The following SMURF2 variants were observed in gnomAD, a reference collection of about 807,000 sequenced individuals.
SMURF2 encodes the protein E3 ubiquitin-protein ligase SMURF2.
Under a neutral mutation model 109.6 loss-of-function variants are expected in SMURF2, and 48 were observed. That is an observed-to-expected ratio of 0.44 (90% CI 0.35 to 0.56). The LOEUF (loss-of-function observed/expected upper bound fraction) is 0.56, where lower values mean the gene tolerates loss of function less well. SMURF2 is among the 20% of genes least tolerant of loss of function. SMURF2 has a pLI of 0.01. For missense variants in SMURF2, 575 were observed against 909.0 expected (o/e 0.63, Z 4.72); for synonymous variants, 288 against 317.1 (o/e 0.91, Z 0.97).
intron 1 of SMURF2, among the ~76,000 whole-genome samples, chr17:64,621,923 AT>A (rs1362495954): frequency 6.8e-6 from 1 of 146,078 alleles, no homozygotes; most frequent in Non-Finnish European, 1.5e-5. Flanking sequence ...AATAATAATA[AT>A]AAAAAGCACT....
rs113227699 is a variant in SMURF2 at position 64,577,854 on chromosome 17, C to T, written c.857+638G>A. Among the ~76,000 whole-genome samples the T allele has an allele frequency of 2.1e-3, 320 of 151,958 alleles. 1 individual carries two copies. The highest frequency in any genetic ancestry group is 7.4e-3 in the African/African-American group (305 of 41,444). On this transcript the variant is annotated intron_variant, in intron 9 of 18. Coordinates refer to ENST00000262435, the MANE Select transcript of SMURF2 (RefSeq NM_022739.4). The stretch of plus-strand genomic sequence containing the variant: ...AAGTGATCCTCATGCCTCAGCCTCC[C>T]AAAGTGTTGGGAATACAGGTAAGAG...
chr17:64,566,578 T>TTTTG (rs1555685015), intron 10 of SMURF2, among the ~76,000 whole-genome samples: 2 of 111,020 alleles, frequency 1.8e-5, no homozygotes, highest in Non-Finnish European at 3.8e-5. Flanking sequence ...TTTTTTTTTT[T>TTTTG]TTTTTTTTTT....
At chr17:64,627,239 C>T (rs191805734) in intron 1 of SMURF2, among the ~76,000 whole-genome samples, 157 of 151,866 alleles carry the variant, frequency 1.0e-3, no homozygotes, top group African/African-American at 3.6e-3. Flanking sequence ...CTCAGCCTCC[C>T]GAGTAGCTGG....
intron 1 of SMURF2, among the ~76,000 whole-genome samples, chr17:64,646,381 C>CT (rs201259541): frequency 1.8e-3 from 210 of 114,474 alleles, no homozygotes; most frequent in African/African-American, 4.4e-3. Context: ...TTTTTTCTTT[C>CT]TTTTTTTTTT....
chr17:64,547,545 G>T lies in SMURF2; in HGVS notation c.2071+55C>A. Reference sequence around the variant, plus strand: ...TACAAAATATCTCCACAGACCCCACGCTGACAGCCCCGCCCCCACCCGCTG... The same window carrying T: ...TACAAAATATCTCCACAGACCCCACTCTGACAGCCCCGCCCCCACCCGCTG... On this transcript the variant is annotated intron_variant, in intron 17 of 18. Coordinates refer to ENST00000262435, the MANE Select transcript of SMURF2 (RefSeq NM_022739.4). The surrounding 1 kb of genome is among the most constrained non-coding windows in gnomAD (Gnocchi z 4.2). 1 of 1,485,576 alleles carries T rather than the reference G, an allele frequency of 6.7e-7. No homozygotes were observed. 92.0% of individuals were successfully genotyped at this position (1,485,576 alleles called of 1,614,324 possible).
chr17:64,661,350 T>A (rs1028842260), intron 1 of SMURF2, among the ~76,000 whole-genome samples: 13 of 152,018 alleles, frequency 8.6e-5, no homozygotes, highest in East Asian at 5.8e-4. Context: ...TAACTGGGTG[T>A]GTGCAAGGTA....
At chr17:64,638,042 GTT>G (rs61684126) in intron 1 of SMURF2, among the ~76,000 whole-genome samples, 1 of 123,766 alleles carries the variant, frequency 8.1e-6, no homozygotes, top group African/African-American at 3.0e-5. Context: ...TTTCCCATGA[GTT>G]TTTTTTTTTT....
intron 4 of SMURF2, chr17:64,593,231 A>C (rs1418589837): frequency 3.7e-6 from 1 of 272,520 alleles, no homozygotes; most frequent in Non-Finnish European, 6.4e-6. Flanking sequence ...TCTACAAAAT[A>C]AATTTAGATC....
chr17:64,622,012 A>G (rs2144696990), intron 1 of SMURF2, among the ~76,000 whole-genome samples: 1 of 147,740 alleles, frequency 6.8e-6, no homozygotes, highest in African/African-American at 2.5e-5. Flanking sequence ...GTGAGCCATC[A>G]TCGCACCACT....
chr17:64,611,018 C>A (rs548679839), intron 1 of SMURF2, among the ~76,000 whole-genome samples: 3 of 152,330 alleles, frequency 2.0e-5, no homozygotes, highest in African/African-American at 7.2e-5. Context: ...TTTAACACCA[C>A]ATTCACCTGG....
In SMURF2 at chr17:64,662,124, G is replaced by GCCGCCCGCGCCGCCT. The variant is rs747279849; in HGVS notation, c.-259_-245dup. On this transcript the variant is annotated 5_prime_UTR_variant, in exon 1 of 19. Transcript: ENST00000262435. The stretch of plus-strand genomic sequence containing the variant: ...GCCGCACAACAAAGCGGCAGCCGCG[G>GCCGCCCGCGCCGCCT]CCGCCCGCGCCGCCTCCGCCCGCGC... 47 of 1,034,544 alleles carry GCCGCCCGCGCCGCCT rather than the reference G, an allele frequency of 4.5e-5. No homozygotes were observed. The highest frequency in any genetic ancestry group is 5.3e-5 in the Non-Finnish European group (46 of 861,106). 64.1% of individuals were successfully genotyped at this position (1,034,544 alleles called of 1,614,324 possible).
chr17:64,657,166 G>C (rs1276812528), intron 1 of SMURF2, among the ~76,000 whole-genome samples: 1 of 152,172 alleles, frequency 6.6e-6, no homozygotes, highest in Non-Finnish European at 1.5e-5. Context: ...CAGTGGGTTA[G>C]GTCTGGTACT....
At chr17:64,616,813 A>T (rs899405605) in intron 1 of SMURF2, among the ~76,000 whole-genome samples, 1 of 151,982 alleles carries the variant, frequency 6.6e-6, no homozygotes, top group African/African-American at 2.4e-5. Flanking sequence ...TCATGCCTGT[A>T]ATCCCAACAG....
chr17:64,548,341 A>C (rs1968989174), intron 16 of SMURF2, among the ~76,000 whole-genome samples: 1 of 152,184 alleles, frequency 6.6e-6, no homozygotes, highest in Non-Finnish European at 1.5e-5. Context: ...GATAATGCAC[A>C]GAAACTTCAG....
intron 16 of SMURF2, among the ~76,000 whole-genome samples, chr17:64,550,417 G>A (rs1162160517): frequency 3.9e-5 from 6 of 152,142 alleles, no homozygotes; most frequent in Admixed American, 2.0e-4. Flanking sequence ...TACAAAACCT[G>A]GGGTGTTTAA....
intron 7 of SMURF2, 42 bp downstream of exon 7, chr17:64,583,419 G>A (rs782505744): frequency 1.5e-5 from 22 of 1,507,830 alleles, no homozygotes; most frequent in Middle Eastern, 1.7e-4. Flanking sequence ...CTTCAGGAGG[G>A]TGGCTGGCAT....
At chr17:64,560,687 G>A (rs531647588) in intron 12 of SMURF2, among the ~76,000 whole-genome samples, 1 of 151,964 alleles carries the variant, frequency 6.6e-6, no homozygotes, top group South Asian at 2.1e-4. Context: ...CTGGCTGGGT[G>A]TGGTGGCTCA....
chr17:64,612,759 T>TAA (rs141010300), intron 1 of SMURF2, among the ~76,000 whole-genome samples: 4 of 151,182 alleles, frequency 2.6e-5, no homozygotes, highest in Admixed American at 6.6e-5. Context: ...AACCAATTCT[T>TAA]AAAAAAAAAT....
At chr17:64,642,786 TTTTA>T (rs200591510) in intron 1 of SMURF2, among the ~76,000 whole-genome samples, 16 of 152,166 alleles carry the variant, frequency 1.1e-4, no homozygotes, top group African/African-American at 2.4e-4. Flanking sequence ...TTAAGTTGAA[TTTTA>T]TTTATTTATT....
Sources: gnomAD v4.1 joint callset for allele counts (sites outside exome capture counted in the v4.1 genomes callset) on GRCh38, gnomAD v4.1.1 for gene constraint, Gnocchi (gnomAD v3.1) non-coding constraint, MANE v1.5 for transcripts, NCBI Gene and HGNC (gene_info 2026-07-23, HGNC 2026-07-21) for gene names.